SPECC1: variants seen among roughly 807,000 people sequenced by gnomAD.
The protein encoded by SPECC1 is sperm antigen with calponin homology and coiled-coil domains 1, also known as cytospin-B.
SPECC1 carries 62 observed loss-of-function variants against 104.1 expected under a neutral mutation model. That is an observed-to-expected ratio of 0.60 (90% CI 0.49 to 0.74). The LOEUF is 0.74. Among genes scored for constraint, SPECC1 ranks in the 30% least tolerant of loss-of-function variants. The probability of loss-of-function intolerance (pLI) is 0.00; values close to 1 mark genes in which losing one functional copy is unlikely to be tolerated. For synonymous variants in SPECC1, 513 were observed against 501.6 expected (o/e 1.02, Z -0.30); for missense variants, 1,306 against 1,310.5 (o/e 1.00, Z 0.05).
chr17:20,318,751 T>C lies in SPECC1; in HGVS notation c.*4686T>C, dbSNP rs866409654. 4.5e-6 allele frequency: 1 copy of C among 219,794 alleles called. No individual in the cohort carries two copies. Among genetic ancestry groups the C allele is most frequent in the African/African-American group, 2.2e-5 (1 of 44,614 alleles). 13.6% of individuals were successfully genotyped at this position (219,794 alleles called of 1,614,324 possible). A position where few individuals can be genotyped will look rare whatever the true frequency, so the allele number is the denominator to read the frequency against. ...TTTCGAATATCTACAGTTGCCTCAA[T>C]TCACGGGGCATTTCACTCCTCTGAT... On this transcript the variant is annotated 3_prime_UTR_variant, in exon 15 of 15. Transcript: ENST00000395527.
At chr17:20,256,932 A>T (rs1008632901) in intron 10 of SPECC1, among the ~76,000 whole-genome samples, 1 of 152,232 alleles carries the variant, frequency 6.6e-6, no homozygotes, top group African/African-American at 2.4e-5. Flanking sequence ...ATATGACAGC[A>T]GAAAGGAGCC....
At chr17:20,268,359 C>T (rs1026927791) in intron 12 of SPECC1, among the ~76,000 whole-genome samples, 2 of 152,156 alleles carry the variant, frequency 1.3e-5, no homozygotes, top group Non-Finnish European at 2.9e-5. Context: ...GAAAGAACAC[C>T]CATGTTGCAG....
At chr17:20,175,217 C>T (rs184843058) in intron 3 of SPECC1, among the ~76,000 whole-genome samples, 347 of 152,298 alleles carry the variant, frequency 2.3e-3, no homozygotes, top group African/African-American at 8.1e-3. Context: ...ATCATCATCA[C>T]GTTAGAACCC....
chr17:20,112,757 G>A, intron 3 of SPECC1: 1 of 1,262,118 alleles, frequency 7.9e-7, no homozygotes, highest in Non-Finnish European at 1.2e-6. Context: ...CCTGAAAGGT[G>A]TGGATATGGA....
At chr17:20,301,076 C>T (rs9892080) in intron 13 of SPECC1, among the ~76,000 whole-genome samples, 3,001 of 152,152 alleles carry the variant, frequency 0.02, 40 homozygotes, top group Admixed American at 0.039. Context: ...AGTGACATTT[C>T]GCCACTTCTT....
intron 5 of SPECC1, 61 bp from the exon 6 acceptor site, chr17:20,231,697 C>T: frequency 3.4e-6 from 5 of 1,489,024 alleles, no homozygotes; most frequent in Non-Finnish European, 4.7e-6. Flanking sequence ...TGCTACCTAG[C>T]GTGTCTTCTC....
chr17:20,140,103 G>A (rs547418611), intron 3 of SPECC1, among the ~76,000 whole-genome samples: 2 of 152,268 alleles, frequency 1.3e-5, no homozygotes, highest in Admixed American at 1.3e-4. Context: ...TATGTGAGTA[G>A]GATCATTTTC....
chr17:20,270,161 G>A (rs561783005), intron 12 of SPECC1, among the ~76,000 whole-genome samples: 3 of 152,094 alleles, frequency 2.0e-5, no homozygotes, highest in Non-Finnish European at 4.4e-5. Context: ...TTTCTGTTGG[G>A]TGATGAAAAT....
At chr17:20,025,750 G>A (rs544588605) in intron 1 of SPECC1, among the ~76,000 whole-genome samples, 3 of 152,202 alleles carry the variant, frequency 2.0e-5, no homozygotes, top group South Asian at 2.1e-4. Flanking sequence ...TGGGTCATAC[G>A]GTAACTCTGT....
intron 3 of SPECC1, among the ~76,000 whole-genome samples, chr17:20,173,795 G>C (rs1293360563): frequency 6.6e-6 from 1 of 152,216 alleles, no homozygotes; most frequent in East Asian, 1.9e-4. Flanking sequence ...AGTGTTTAAA[G>C]TTTTTTGAAT....
intron 12 of SPECC1, among the ~76,000 whole-genome samples, chr17:20,295,255 G>A (rs2041310810): frequency 6.9e-6 from 1 of 145,424 alleles, no homozygotes; most frequent in African/African-American, 2.6e-5. Context: ...CCACCTATGA[G>A]TGAGAACATG....
chr17:20,186,090 G>A (rs1377414001), intron 3 of SPECC1, among the ~76,000 whole-genome samples: 2 of 152,154 alleles, frequency 1.3e-5, no homozygotes, highest in African/African-American at 2.4e-5. Flanking sequence ...CACCCTCCTC[G>A]GCCTCCCAAA....
intron 3 of SPECC1, among the ~76,000 whole-genome samples, chr17:20,160,486 G>A (rs2033038715): frequency 6.6e-6 from 1 of 152,108 alleles, no homozygotes; most frequent in Admixed American, 6.6e-5. Context: ...CAGAGAGCAT[G>A]CATATTGGTA....
chr17:20,066,910 A>C (rs1379478464), intron 1 of SPECC1, among the ~76,000 whole-genome samples: 1 of 114,932 alleles, frequency 8.7e-6, no homozygotes, highest in Non-Finnish European at 2.0e-5. Context: ...TGGCTAATCA[A>C]ATTTTTTTTT....
rs1243801937 is a variant in SPECC1 at position 20,051,112 on chromosome 17, CTTT to C, written c.-22+41689_-22+41691del. On this transcript the variant is annotated intron_variant, in intron 1 of 14. Transcript: ENST00000395527. ...TCTTTCTTTCTTTCTTTCTTTCTTTCTTTCTTTCTTTCTTTCTTTCTTTCTTTC... is the reference window on the plus strand; with the variant it reads ...TCTTTCTTTCTTTCTTTCTTTCTTTCCTTTCTTTCTTTCTTTCTTTCTTTC... Among the ~76,000 whole-genome samples the C allele has an allele frequency of 4.5e-3, 594 of 131,210 alleles. 5 individuals are homozygous for C. Among genetic ancestry groups the C allele is most frequent in the Middle Eastern group, 0.01 (3 of 290 alleles). 86.1% of individuals were successfully genotyped at this position (131,210 alleles called of 152,430 possible). A position where few individuals can be genotyped will look rare whatever the true frequency, so the allele number is the denominator to read the frequency against.
rs113903757 is a variant in SPECC1, at chr17:20,225,931, A to G, written c.1864-1482A>G. ...AGTGCTGCCTCCCAGTGTTCATTCAATCATTCATCAAATATTCATTAAATG... is the reference window on the plus strand; with the variant it reads ...AGTGCTGCCTCCCAGTGTTCATTCAGTCATTCATCAAATATTCATTAAATG... On this transcript the variant is annotated intron_variant, in intron 4 of 14. Coordinates refer to ENST00000395527, the MANE Select transcript of SPECC1 (RefSeq NM_001243439.2). 2.6e-3 allele frequency among the ~76,000 whole-genome samples: 393 copies of G among 152,284 alleles called. 1 individual carries two copies. The highest frequency in any genetic ancestry group is 4.1e-3 in the African/African-American group (171 of 41,552).
intron 3 of SPECC1, among the ~76,000 whole-genome samples, chr17:20,140,133 T>C (rs1039626458): frequency 1.3e-4 from 20 of 152,190 alleles, no homozygotes; most frequent in African/African-American, 4.8e-4. Context: ...ATTGAAAAAG[T>C]TGGCTAAACC....
intron 3 of SPECC1, among the ~76,000 whole-genome samples, chr17:20,147,161 T>A (rs2152564437): frequency 6.8e-6 from 1 of 147,866 alleles, no homozygotes; most frequent in Non-Finnish European, 1.5e-5. Context: ...AGGCTCCGCC[T>A]CCTGGGTTCA....
chr17:20,057,468 C>CA (rs1261648470), intron 1 of SPECC1, among the ~76,000 whole-genome samples: 2 of 151,794 alleles, frequency 1.3e-5, no homozygotes, highest in Non-Finnish European at 2.9e-5. Flanking sequence ...ACAACAACAG[C>CA]AAAAAACAGG....
Sources: allele counts gnomAD v4.1 joint callset (sites outside exome capture counted in the v4.1 genomes callset), GRCh38; gene constraint gnomAD v4.1.1; transcripts MANE v1.5; gene names NCBI Gene and HGNC (gene_info 2026-07-23, HGNC 2026-07-21).